Variants in ELF1 observed in about 807,000 individuals in gnomAD.
ELF1 encodes the protein E74 like ETS transcription factor 1.
Under a neutral mutation model 59.9 loss-of-function variants are expected in ELF1, and 24 were observed. That is an observed-to-expected ratio of 0.40 (90% CI 0.29 to 0.56). ELF1 has a LOEUF of 0.56. ELF1 is among the 20% of genes least tolerant of loss of function. ELF1 has a pLI of 0.44. For missense variants in ELF1, 627 were observed against 742.2 expected (o/e 0.84, Z 1.80); for synonymous variants, 248 against 266.2 (o/e 0.93, Z 0.67).
At chr13:41,022,395 G>GAA (rs1418575809), upstream of ELF1, among the ~76,000 whole-genome samples, 1 of 152,122 alleles carries the variant, frequency 6.6e-6, no homozygotes, top group East Asian at 1.9e-4. Flanking sequence ...AGTTCTAGGG[G>GAA]CTGGAAATGA....
intron 1 of ELF1, among the ~76,000 whole-genome samples, chr13:41,056,877 A>C (rs1877304129): frequency 6.6e-6 from 1 of 152,178 alleles, no homozygotes; most frequent in Non-Finnish European, 1.5e-5. Context: ...CTACAGGGGG[A>C]ATATTCCAGG....
At chr13:40,960,584 G>T (rs548047222) in intron 2 of ELF1, among the ~76,000 whole-genome samples, 8 of 152,168 alleles carry the variant, frequency 5.3e-5, no homozygotes, top group Non-Finnish European at 8.8e-5. Context: ...CATTGCTGGG[G>T]ATATTAATTT....
intron 2 of ELF1, among the ~76,000 whole-genome samples, chr13:40,964,228 G>A (rs1281316041): frequency 6.6e-6 from 1 of 152,164 alleles, no homozygotes; most frequent in Non-Finnish European, 1.5e-5. Context: ...AATTTCAAAT[G>A]CTGAATTTTC....
chr13:41,050,462 G>A (rs536114500), intron 1 of ELF1, among the ~76,000 whole-genome samples: 5 of 152,244 alleles, frequency 3.3e-5, no homozygotes, highest in East Asian at 1.9e-4. Context: ...TTATTGTAAC[G>A]CTGCTAAGAA....
intron 1 of ELF1, among the ~76,000 whole-genome samples, chr13:41,003,024 C>T (rs1041012208): frequency 2.6e-5 from 4 of 152,164 alleles, no homozygotes; most frequent in African/African-American, 7.2e-5. Context: ...TTAATATTTA[C>T]TTACTAAAAT....
chr13:41,000,817 C>G (rs1415366873), intron 1 of ELF1, among the ~76,000 whole-genome samples: 9 of 151,938 alleles, frequency 5.9e-5, no homozygotes, highest in Admixed American at 5.9e-4. Flanking sequence ...ACTGATATCT[C>G]TGCATAGATA....
chr13:40,987,884 A>G (rs1415178268), intron 1 of ELF1, among the ~76,000 whole-genome samples: 1 of 152,208 alleles, frequency 6.6e-6, no homozygotes, highest in African/African-American at 2.4e-5. Context: ...GGCTCTTTTC[A>G]GTATATACAG....
At chr13:40,947,228 A>G (rs981860877) in intron 5 of ELF1, among the ~76,000 whole-genome samples, 8 of 152,202 alleles carry the variant, frequency 5.3e-5, no homozygotes, top group African/African-American at 1.9e-4. Context: ...GGGTAAACAA[A>G]TACTACATAT....
At chr13:41,017,263 T>A (rs554667817) in intron 1 of ELF1, among the ~76,000 whole-genome samples, 1 of 152,136 alleles carries the variant, frequency 6.6e-6, no homozygotes, top group African/African-American at 2.4e-5. Flanking sequence ...TATTTACTCT[T>A]AAGGAAATAT....
At position 40,941,264 on chromosome 13, in the gene ELF1, T is replaced by C. The variant is rs373079831; in HGVS notation, c.913A>G (p.Ser305Gly). The C allele has an allele frequency of 3.1e-6, 5 of 1,614,208 alleles. No homozygotes were observed. The highest frequency in any genetic ancestry group is 1.6e-4 in the Middle Eastern group (1 of 6,062). Residue 305 changes from serine to glycine, a missense_variant, in exon 8 of 9, where the codon AGT becomes GGT. This residue lies in a region of ELF1 where 361 missense variants were observed against 396.1 expected (regional missense o/e 0.91). Coordinates refer to ENST00000239882, the MANE Select transcript of ELF1 (RefSeq NM_172373.4). ...GGATCTGAAGACTCTATGCTGGAAC[T>C]TGGATCCTCATCATTTATATATATA... The part of the protein sequence containing the change: ...DLIYINDEDP[S>G]SSIESSDPSL...
chr13:41,024,043 G>T (rs1226663429), upstream of ELF1, among the ~76,000 whole-genome samples: 1 of 152,118 alleles, frequency 6.6e-6, no homozygotes, highest in Non-Finnish European at 1.5e-5. Flanking sequence ...AGAATTGATG[G>T]TATGATTATA....
chr13:40,946,893 G>T (rs575136451), intron 5 of ELF1, among the ~76,000 whole-genome samples: 1 of 152,146 alleles, frequency 6.6e-6, no homozygotes, highest in Non-Finnish European at 1.5e-5. Context: ...GTTTTACATG[G>T]ATTTTTGGCT....
chr13:41,027,030 G>A (rs1473020472), intron 1 of ELF1, among the ~76,000 whole-genome samples: 1 of 152,194 alleles, frequency 6.6e-6, no homozygotes, highest in Non-Finnish European at 1.5e-5. Flanking sequence ...ATCCAGTCAT[G>A]AAATCTTCCC....
intron 6 of ELF1, 95 bp from the exon 7 acceptor site, chr13:40,943,239 T>TTTTG: frequency 9.2e-7 from 1 of 1,086,206 alleles, no homozygotes; most frequent in Non-Finnish European, 1.2e-6. Flanking sequence ...CCATTTATAT[T>TTTTG]TATACAAAAA....
At chr13:41,009,418 G>T (rs2138357937) in intron 1 of ELF1, among the ~76,000 whole-genome samples, 1 of 152,094 alleles carries the variant, frequency 6.6e-6, no homozygotes, top group South Asian at 2.1e-4. Context: ...AAGGCACATA[G>T]ACTTTCAAAG....
In ELF1 at chr13:40,933,693, G is replaced by A. The variant is rs1394141475; in HGVS notation, c.1592C>T (p.Thr531Ile). The A allele has an allele frequency of 1.2e-6, 2 of 1,614,270 alleles. No homozygotes were observed. Among genetic ancestry groups the A allele is most frequent in the East Asian group, 4.5e-5 (2 of 44,890 alleles). The change falls in exon 9 of 9, where the codon ACT becomes ATT. Residue 531 changes from threonine (T) to isoleucine (I), a missense_variant. Thr to Ile is a moderately conservative substitution (Grantham distance 89). Transcript: ENST00000239882. ...SVASSPSFSA[T>I]APVVTFSPRS... Reference sequence around the variant, plus strand: ...AGGAGAAAAGGTCACCACAGGTGCAGTAGCACTGAAGGATGGAGAGGAAGC... The same window carrying A: ...AGGAGAAAAGGTCACCACAGGTGCAATAGCACTGAAGGATGGAGAGGAAGC...
At chr13:41,029,982 T>C (rs1001480225) in intron 1 of ELF1, among the ~76,000 whole-genome samples, 12 of 152,180 alleles carry the variant, frequency 7.9e-5, no homozygotes, top group African/African-American at 2.9e-4. Flanking sequence ...AGTCCTGGAG[T>C]TGAATATACA....
At chr13:41,049,505 T>C (rs949329485) in intron 1 of ELF1, among the ~76,000 whole-genome samples, 2 of 152,208 alleles carry the variant, frequency 1.3e-5, no homozygotes, top group Admixed American at 6.5e-5. Flanking sequence ...ATATCTAACA[T>C]GGCCTAGAAT....
chr13:41,054,363 T>C (rs1358125448), intron 1 of ELF1, among the ~76,000 whole-genome samples: 1 of 152,210 alleles, frequency 6.6e-6, no homozygotes, highest in Non-Finnish European at 1.5e-5. Flanking sequence ...CGCAAATGAA[T>C]GAAACTTTAA....
Sources: allele counts gnomAD v4.1 joint callset (sites outside exome capture counted in the v4.1 genomes callset), GRCh38; gene constraint gnomAD v4.1.1; regional missense constraint gnomAD v4.1.1; transcripts MANE v1.5; gene names NCBI Gene and HGNC (gene_info 2026-07-23, HGNC 2026-07-21).